Variants in LHFPL3 observed in about 807,000 individuals in gnomAD.
The protein encoded by LHFPL3 is LHFPL tetraspan subfamily member 3, also known as LHFPL tetraspan subfamily member 3 protein.
In LHFPL3, 5 loss-of-function variants were observed where a neutral mutation model predicts 19.3. That is an observed-to-expected ratio of 0.26 (90% CI 0.14 to 0.54). The LOEUF is 0.54. Among genes scored for constraint, LHFPL3 ranks in the 20% least tolerant of loss-of-function variants. LHFPL3 has a pLI of 0.94. For missense variants in LHFPL3, 249 were observed against 307.4 expected (o/e 0.81, Z 1.42); for synonymous variants, 133 against 126.2 (o/e 1.05, Z -0.36).
chr7:104,587,814 A>C (rs1256007597), intron 1 of LHFPL3, among the ~76,000 whole-genome samples: 5 of 152,076 alleles, frequency 3.3e-5, no homozygotes, highest in African/African-American at 1.2e-4. Context: ...TCGCCATTCT[A>C]ACTGGTGTGA....
chr7:104,657,169 G>A (rs1164836423), intron 1 of LHFPL3, among the ~76,000 whole-genome samples: 2 of 152,214 alleles, frequency 1.3e-5, no homozygotes, highest in Non-Finnish European at 2.9e-5. Context: ...TCCTCTCCAA[G>A]TGGTTCTTAA....
chr7:104,514,426 C>T (rs1193470564), intron 1 of LHFPL3, among the ~76,000 whole-genome samples: 1 of 152,174 alleles, frequency 6.6e-6, no homozygotes. Context: ...GAAATCTCAT[C>T]TGTTATTGCT....
chr7:104,363,544 T>C (rs531053173), intron 1 of LHFPL3, among the ~76,000 whole-genome samples: 8 of 152,222 alleles, frequency 5.3e-5, no homozygotes, highest in Non-Finnish European at 1.0e-4. Flanking sequence ...TCTAGGCTGA[T>C]GGAGCAGCCA....
chr7:104,468,986 A>G (rs1343973651), intron 1 of LHFPL3, among the ~76,000 whole-genome samples: 3 of 152,144 alleles, frequency 2.0e-5, no homozygotes, highest in East Asian at 1.9e-4. Context: ...ACCTTTAACC[A>G]TTGAGGTGCT....
chr7:104,869,561 G>C (rs1791792968), intron 2 of LHFPL3, among the ~76,000 whole-genome samples: 1 of 151,990 alleles, frequency 6.6e-6, no homozygotes, highest in Non-Finnish European at 1.5e-5. Flanking sequence ...ACACCAGTTA[G>C]AATGGCAATC....
At chr7:104,696,663 A>T (rs1324229898) in intron 1 of LHFPL3, among the ~76,000 whole-genome samples, 2 of 152,232 alleles carry the variant, frequency 1.3e-5, no homozygotes, top group African/African-American at 4.8e-5. Context: ...TAACTAAAAA[A>T]TAATAATAAA....
chr7:104,811,278 T>C (rs1198454916), intron 2 of LHFPL3, among the ~76,000 whole-genome samples: 1 of 152,050 alleles, frequency 6.6e-6, no homozygotes, highest in African/African-American at 2.4e-5. Context: ...TACTGTAGCC[T>C]CAACCTCCCA....
intron 2 of LHFPL3, among the ~76,000 whole-genome samples, chr7:104,818,411 C>T (rs1271913987): frequency 6.6e-6 from 1 of 150,690 alleles, no homozygotes; most frequent in Non-Finnish European, 1.5e-5. Context: ...AAAACAGGCA[C>T]GTACCTGTAG....
At chr7:104,652,984 G>A (rs896606644) in intron 1 of LHFPL3, among the ~76,000 whole-genome samples, 12 of 152,276 alleles carry the variant, frequency 7.9e-5, no homozygotes, top group African/African-American at 2.6e-4. Context: ...ATGTAGTTAG[G>A]CTCCTACTTT....
intron 1 of LHFPL3, among the ~76,000 whole-genome samples, chr7:104,416,415 C>T (rs55751522): frequency 0.064 from 9,754 of 152,216 alleles, 331 homozygotes; most frequent in Middle Eastern, 0.099. Flanking sequence ...AAAATGAATA[C>T]ACCACCCATC....
chr7:104,509,165 C>T (rs1793761836), intron 1 of LHFPL3, among the ~76,000 whole-genome samples: 1 of 151,326 alleles, frequency 6.6e-6, no homozygotes, highest in Non-Finnish European at 1.5e-5. Context: ...AGAATTCTAC[C>T]AGAAGATAGA....
At position 104,907,601 on chromosome 7, in the gene LHFPL3, G is replaced by A. The variant is rs2116743894; in HGVS notation, c.*1386G>A. Among the ~76,000 whole-genome samples the A allele has an allele frequency of 6.6e-6, 1 of 152,270 alleles. No individual in the cohort carries two copies. Among genetic ancestry groups the A allele is most frequent in the East Asian group, 1.9e-4 (1 of 5,190 alleles). ...AGAATGAACACAAGCTAAAATACAT[G>A]CAAGGGTACTTAATGGAAGCCAAAC... On this transcript the variant is annotated 3_prime_UTR_variant, in exon 3 of 3. Transcript: ENST00000424859.
At chr7:104,608,985 G>A (rs1232307883) in intron 1 of LHFPL3, among the ~76,000 whole-genome samples, 5 of 152,128 alleles carry the variant, frequency 3.3e-5, no homozygotes, top group Admixed American at 2.0e-4. Flanking sequence ...TGTTAGCCAC[G>A]GCCAGGCATG....
intron 1 of LHFPL3, among the ~76,000 whole-genome samples, chr7:104,705,107 T>C (rs1157656351): frequency 2.0e-5 from 3 of 152,234 alleles, no homozygotes; most frequent in African/African-American, 7.2e-5. Flanking sequence ...AAAGATTTAT[T>C]TCTTAAATAT....
intron 1 of LHFPL3, among the ~76,000 whole-genome samples, chr7:104,400,196 T>C (rs574725733): frequency 6.7e-6 from 1 of 149,642 alleles, no homozygotes; most frequent in Non-Finnish European, 1.5e-5. Context: ...TTTACAGGTT[T>C]ATATCTTTGA....
intron 1 of LHFPL3, among the ~76,000 whole-genome samples, chr7:104,702,819 T>A (rs1315230086): frequency 3.3e-5 from 5 of 152,200 alleles, no homozygotes; most frequent in African/African-American, 4.8e-5. Flanking sequence ...TCTTTCTCCC[T>A]GGCGCCTTAT....
intron 1 of LHFPL3, among the ~76,000 whole-genome samples, chr7:104,452,910 A>G (rs906287071): frequency 6.6e-6 from 1 of 152,196 alleles, no homozygotes; most frequent in Non-Finnish European, 1.5e-5. Flanking sequence ...AGTACAGATG[A>G]TTACATTGGT....
chr7:104,578,828 A>G (rs139652633), intron 1 of LHFPL3, among the ~76,000 whole-genome samples: 1 of 152,338 alleles, frequency 6.6e-6, no homozygotes, highest in East Asian at 1.9e-4. Context: ...GATTCAACTG[A>G]GATACAACTC....
chr7:104,700,362 C>T (rs779880799), intron 1 of LHFPL3, among the ~76,000 whole-genome samples: 8 of 152,194 alleles, frequency 5.3e-5, no homozygotes, highest in Non-Finnish European at 1.2e-4. Context: ...TTAGTGGAGC[C>T]ACTGTGTTCT....
Sources: allele counts gnomAD v4.1 joint callset (sites outside exome capture counted in the v4.1 genomes callset), GRCh38; gene constraint gnomAD v4.1.1; transcripts MANE v1.5; gene names NCBI Gene and HGNC (gene_info 2026-07-23, HGNC 2026-07-21).